ZNF565: variants seen among roughly 807,000 people sequenced by gnomAD.
ZNF565 encodes the protein zinc finger protein 565.
In ZNF565, 27 loss-of-function variants were observed where a neutral mutation model predicts 39.4. The observed-to-expected ratio is 0.69, with a 90% CI of 0.51 to 0.95. ZNF565 has a LOEUF of 0.95. Ranked by LOEUF, ZNF565 falls within the 40% of genes least tolerant of loss-of-function variation. The probability of loss-of-function intolerance (pLI) is 0.00; values close to 1 mark genes in which losing one functional copy is unlikely to be tolerated. For synonymous variants in ZNF565, 185 were observed against 216.6 expected (o/e 0.85, Z 1.28); for missense variants, 524 against 621.1 (o/e 0.84, Z 1.66).
At chr19:36,236,306 T>G in intron 1 of ZNF565, 1 of 1,038,448 alleles carries the variant, frequency 9.6e-7, no homozygotes, top group Non-Finnish European at 1.4e-6. Flanking sequence ...TTACTCTGCA[T>G]TTGGGAGATC....
chr19:36,217,055 CTTTTT>C (rs752632008), upstream of ZNF565, among the ~76,000 whole-genome samples: 8 of 65,864 alleles, frequency 1.2e-4, no homozygotes, highest in Admixed American at 1.4e-3. Context: ...CAGTCCCTGT[CTTTTT>C]TTTTTTTTTT....
chr19:36,245,748 C>T lies in ZNF565; in HGVS notation c.-218G>A. On this transcript the variant is annotated 5_prime_UTR_variant, in exon 1 of 5. Coordinates refer to the ZNF565 transcript ENST00000355114. The surrounding 1 kb of genome is among the most constrained non-coding windows in gnomAD (Gnocchi z 4.4). ...CCACCCTGGCTCCGTCCACGGTTGT[C>T]GGGGTCCCGGGCTGCTTTTCTTGGA... 1 of 536,212 alleles carries T rather than the reference C, an allele frequency of 1.9e-6. No individual in the cohort carries two copies. The highest frequency in any genetic ancestry group is 3.3e-6 in the Non-Finnish European group (1 of 302,698). The allele number at this position is 536,212 out of a possible 1,614,324, so 33.2% of individuals were successfully genotyped here.
intron 1 of ZNF565, among the ~76,000 whole-genome samples, chr19:36,244,580 C>T (rs1431712187): frequency 6.6e-6 from 1 of 151,794 alleles, no homozygotes; most frequent in Non-Finnish European, 1.5e-5. Flanking sequence ...AGGCTGGGCA[C>T]GCTGGCTCAC....
At chr19:36,233,250 A>G (rs1037954130) in intron 1 of ZNF565, among the ~76,000 whole-genome samples, 12 of 152,104 alleles carry the variant, frequency 7.9e-5, no homozygotes, top group African/African-American at 2.9e-4. Context: ...GTGGTGATGC[A>G]TGCCTGTAAT....
At chr19:36,217,149 GC>G (rs527556677), upstream of ZNF565, among the ~76,000 whole-genome samples, 25 of 129,180 alleles carry the variant, frequency 1.9e-4, no homozygotes, top group Admixed American at 1.8e-3. Flanking sequence ...TGCAACCTCT[GC>G]CCCCCAGGTT....
At chr19:36,210,864 A>T (rs1201470064) in intron 1 of ZNF565, among the ~76,000 whole-genome samples, 1 of 152,148 alleles carries the variant, frequency 6.6e-6, no homozygotes, top group Non-Finnish European at 1.5e-5. Flanking sequence ...TGGGGCAGGG[A>T]AAGTACCACA....
rs538436266 is a variant in ZNF565, at chr19:36,184,036, C to T, written c.233-303G>A. 2.2e-3 allele frequency among the ~76,000 whole-genome samples: 299 copies of T among 137,250 alleles called. 2 individuals are homozygous for T. The highest frequency in any genetic ancestry group is 7.9e-3 in the African/African-American group (286 of 36,172). 90.0% of individuals were successfully genotyped at this position (137,250 alleles called of 152,430 possible). A position where few individuals can be genotyped will look rare whatever the true frequency, so the allele number is the denominator to read the frequency against. ...GAGGTCGCAGTGAGCCGAGATTGCG[C>T]CACTGCACTCCAGCCTGGGCGACAG... On this transcript the variant is annotated intron_variant, in intron 4 of 4. Transcript: ENST00000304116.
chr19:36,245,611 C>G lies in ZNF565; in HGVS notation c.-81G>C. On this transcript the variant is annotated 5_prime_UTR_variant, in exon 1 of 5. Transcript: ENST00000355114. The surrounding 1 kb of genome is among the most constrained non-coding windows in gnomAD (Gnocchi z 4.4). ...GGAGGCTTGAGATGCAGCCTCCCAGCTTCGAGGCTACCACCTGCCCGAATT... is the reference window on the plus strand; with the variant it reads ...GGAGGCTTGAGATGCAGCCTCCCAGGTTCGAGGCTACCACCTGCCCGAATT... The G allele has an allele frequency of 1.4e-6, 1 of 700,588 alleles. No individual in the cohort carries two copies. The highest frequency in any genetic ancestry group is 2.0e-5 in the Admixed American group (1 of 49,924). The allele number at this position is 700,588 out of a possible 1,614,324, so 43.4% of individuals were successfully genotyped here.
At chr19:36,212,310 A>G (rs1329845241) in intron 1 of ZNF565, among the ~76,000 whole-genome samples, 1 of 152,108 alleles carries the variant, frequency 6.6e-6, no homozygotes, top group Non-Finnish European at 1.5e-5. Context: ...GTGTCAAAGG[A>G]GTTACAAAAA....
At chr19:36,200,187 G>A (rs908098773) in intron 2 of ZNF565, among the ~76,000 whole-genome samples, 10 of 150,986 alleles carry the variant, frequency 6.6e-5, no homozygotes, top group African/African-American at 1.5e-4. Flanking sequence ...CATCATGCCC[G>A]GCTAATTTTT....
At chr19:36,213,923 C>T (rs887922379) in intron 1 of ZNF565, among the ~76,000 whole-genome samples, 2 of 128,588 alleles carry the variant, frequency 1.6e-5, no homozygotes, top group Non-Finnish European at 3.5e-5. Context: ...CTACTCTCCA[C>T]TGTGATACAG....
intron 1 of ZNF565, among the ~76,000 whole-genome samples, chr19:36,220,725 C>T (rs1976799875): frequency 2.6e-5 from 4 of 151,990 alleles, no homozygotes; most frequent in Admixed American, 2.6e-4. Context: ...ATTTTGTTTG[C>T]TTTATCCTGC....
chr19:36,223,658 T>A (rs537957727), intron 1 of ZNF565, among the ~76,000 whole-genome samples: 51 of 134,212 alleles, frequency 3.8e-4, no homozygotes, highest in African/African-American at 1.4e-3. Context: ...CCACCGCGCG[T>A]GGCTGATTCA....
chr19:36,183,612 G>C lies in ZNF565; in HGVS notation c.354C>G (p.Asp118Glu). ...SDLEGSDFRA[D>E]WECEGQFERQ... ...TCTCAAACTGGCCTTCGCATTCCCA[G>C]TCAGCTCTAAAATCGGAGCCCTCCA... Residue 118 changes from aspartate to glutamate, a missense_variant, in exon 5 of 5, where the codon GAC becomes GAG. Coordinates refer to ENST00000304116, the MANE Select transcript of ZNF565 (RefSeq NM_152477.5). 3.7e-6 allele frequency: 6 copies of C among 1,614,146 alleles called. No individual in the cohort carries two copies. In the East Asian group the frequency reaches 1.3e-4, roughly 36 times the overall value.
intron 1 of ZNF565, among the ~76,000 whole-genome samples, chr19:36,241,613 T>A (rs973362562): frequency 1.3e-5 from 2 of 150,692 alleles, no homozygotes; most frequent in Non-Finnish European, 3.0e-5. Context: ...GCCAACATGG[T>A]GAAACCCTGT....
intron 4 of ZNF565, among the ~76,000 whole-genome samples, chr19:36,186,655 G>A (rs1229205009): frequency 6.6e-6 from 1 of 152,120 alleles, no homozygotes; most frequent in African/African-American, 2.4e-5. Flanking sequence ...TGGGCATGGT[G>A]GCAGGCACCT....
chr19:36,220,615 C>T (rs534347431), intron 1 of ZNF565, among the ~76,000 whole-genome samples: 2 of 152,274 alleles, frequency 1.3e-5, no homozygotes, highest in East Asian at 3.9e-4. Flanking sequence ...ATCTGCCCAC[C>T]TTGGCCTCCC....
At chr19:36,183,873 T>C (rs999509156) in intron 4 of ZNF565, 140 bp from the exon 5 acceptor site, 1 of 712,114 alleles carries the variant, frequency 1.4e-6, no homozygotes, top group South Asian at 2.0e-5. Flanking sequence ...GATCACAAGG[T>C]CGGGAGTTCA....
intron 4 of ZNF565, among the ~76,000 whole-genome samples, chr19:36,192,120 C>G (rs1338623026): frequency 6.6e-6 from 1 of 151,476 alleles, no homozygotes; most frequent in Non-Finnish European, 1.5e-5. Flanking sequence ...TCCTGAGTAG[C>G]TGGGACTACA....
Sources: gnomAD v4.1 joint callset for allele counts (sites outside exome capture counted in the v4.1 genomes callset) on GRCh38, gnomAD v4.1.1 for gene constraint, Gnocchi (gnomAD v3.1) non-coding constraint, MANE v1.5 for transcripts, NCBI Gene and HGNC (gene_info 2026-07-23, HGNC 2026-07-21) for gene names.